The following NOP58 variants were observed in gnomAD, a reference collection of about 807,000 sequenced individuals.
The protein encoded by NOP58 is nucleolar protein 58.
In NOP58, 44 loss-of-function variants were observed where a neutral mutation model predicts 71.2. The ratio of observed to expected loss-of-function variants is 0.62; its 90% CI spans 0.49 to 0.79. The LOEUF (loss-of-function observed/expected upper bound fraction) is 0.79. Among genes scored for constraint, NOP58 ranks in the 30% least tolerant of loss-of-function variants. The pLI is 0.00. For missense variants in NOP58, 538 were observed against 620.2 expected (o/e 0.87, Z 1.41); for synonymous variants, 228 against 200.3 (o/e 1.14, Z -1.17).
At chr2:202,293,300 A>G (rs1244556979) in intron 9 of NOP58, among the ~76,000 whole-genome samples, 2 of 152,296 alleles carry the variant, frequency 1.3e-5, no homozygotes, top group Middle Eastern at 3.4e-3. Context: ...ATCACTGTAG[A>G]GGATTTGTGC....
At chr2:202,286,706 G>C (rs574634538) in intron 5 of NOP58, among the ~76,000 whole-genome samples, 1 of 152,248 alleles carries the variant, frequency 6.6e-6, no homozygotes, top group South Asian at 2.1e-4. Flanking sequence ...GGGTAAATCT[G>C]CATTGTGTAT....
intron 2 of NOP58, chr2:202,275,638 T>G (rs1224414487): frequency 6.5e-6 from 1 of 153,876 alleles, no homozygotes; most frequent in African/African-American, 2.4e-5. Flanking sequence ...TCATGGAAGA[T>G]TCATTCTTAG....
chr2:202,284,704 T>C, intron 5 of NOP58: 1 of 458,828 alleles, frequency 2.2e-6, no homozygotes, highest in Non-Finnish European at 3.8e-6. Flanking sequence ...CTCTATTGTC[T>C]GGATTCTTAA....
At chr2:202,279,526 G>A (rs1574379701) in intron 3 of NOP58, among the ~76,000 whole-genome samples, 2 of 152,152 alleles carry the variant, frequency 1.3e-5, no homozygotes, top group South Asian at 2.1e-4. Flanking sequence ...GGCTGGGTGC[G>A]GTGGCTCATG....
intron 4 of NOP58, among the ~76,000 whole-genome samples, chr2:202,283,664 C>T (rs1323444596): frequency 6.6e-6 from 1 of 150,966 alleles, no homozygotes; most frequent in Non-Finnish European, 1.5e-5. Context: ...TGGTCTCGAT[C>T]TATTGACCTT....
Position 202,282,458 on chromosome 2 carries a change from G to A in NOP58, c.283G>A (p.Gly95Arg), listed in dbSNP as rs775386759. Residue 95 changes from glycine to arginine, a missense_variant, in exon 4 of 15, where the codon GGA (glycine) becomes AGA (arginine). Physicochemically the swap from Gly to Arg is moderately radical, Grantham distance 125 (BLOSUM62 -2). Coordinates refer to ENST00000264279, the MANE Select transcript of NOP58 (RefSeq NM_015934.5). The stretch of plus-strand genomic sequence containing the variant: ...GCTGGCAGTAGCTGATGCTAAACTA[G>A]GAGGGGTCATAAAGGTAAAGTCACG... The part of the protein sequence containing the change: ...EPLAVADAKL[G>R]GVIKEKLNLS... 3.1e-6 allele frequency: 5 copies of A among 1,609,600 alleles called. No homozygotes were observed. The highest frequency in any genetic ancestry group is 4.2e-6 in the Non-Finnish European group (5 of 1,179,088).
At chr2:202,277,910 C>G (rs747982063) in intron 2 of NOP58, 40 bp from the exon 3 acceptor site, 1 of 1,059,210 alleles carries the variant, frequency 9.4e-7, no homozygotes, top group Admixed American at 2.1e-5. Context: ...CAACGCACTG[C>G]CCCCAATAAC....
chr2:202,279,345 A>G (rs1559261526), intron 3 of NOP58, among the ~76,000 whole-genome samples: 2 of 152,184 alleles, frequency 1.3e-5, no homozygotes, highest in Non-Finnish European at 2.9e-5. Flanking sequence ...TTGAGCACAT[A>G]CTGATTGTCA....
intron 9 of NOP58, 92 bp downstream of exon 9, chr2:202,292,995 A>C: frequency 2.9e-6 from 4 of 1,366,618 alleles, no homozygotes; most frequent in Non-Finnish European, 4.2e-6. Context: ...GCTGTTAAAG[A>C]AATTTTAGCT....
chr2:202,286,181 CAAAAAAAA>C (rs1008544993), intron 5 of NOP58, among the ~76,000 whole-genome samples: 3 of 45,622 alleles, frequency 6.6e-5, no homozygotes, highest in African/African-American at 2.4e-4. Context: ...GACTCCATCT[CAAAAAAAA>C]AAAAAAAAAA....
chr2:202,300,926 A>G (rs748674886), intron 13 of NOP58, among the ~76,000 whole-genome samples: 32 of 152,242 alleles, frequency 2.1e-4, no homozygotes, highest in Non-Finnish European at 4.0e-4. Flanking sequence ...AGAGTAAAGC[A>G]TTAACACAAT....
intron 9 of NOP58, 138 bp downstream of exon 9, chr2:202,293,041 T>C (rs1384667238): frequency 2.2e-6 from 2 of 893,524 alleles, no homozygotes; most frequent in Admixed American, 3.4e-5. Context: ...GGGAGATCAC[T>C]AAGGGCCAAG....
intron 1 of NOP58, among the ~76,000 whole-genome samples, chr2:202,273,982 G>T (rs1372786604): frequency 5.3e-5 from 8 of 150,560 alleles, no homozygotes; most frequent in African/African-American, 2.0e-4. Context: ...ATTCCTAAAA[G>T]TATGCATGAA....
intron 3 of NOP58, among the ~76,000 whole-genome samples, chr2:202,280,191 T>G (rs1439947662): frequency 6.6e-6 from 1 of 152,196 alleles, no homozygotes; most frequent in East Asian, 1.9e-4. Flanking sequence ...GTGTACATTT[T>G]AAACCTCATA....
At position 202,275,192 on chromosome 2, in the gene NOP58, A is replaced by C; in HGVS notation, c.122+3A>C. ...ACTCCAGAGAAAGCAAACAAAATGTAAGTACTCTTGAAATCAATAATTTAG... is the reference window on the plus strand; with the variant it reads ...ACTCCAGAGAAAGCAAACAAAATGTCAGTACTCTTGAAATCAATAATTTAG... On this transcript the variant is annotated splice_donor_region_variant and intron_variant, in intron 2 of 14. Transcript: ENST00000264279. 6.7e-7 allele frequency: 1 copy of C among 1,481,536 alleles called. No individual in the cohort carries two copies. Among genetic ancestry groups the C allele is most frequent in the Non-Finnish European group, 9.3e-7 (1 of 1,072,458 alleles). The allele number at this position is 1,481,536 out of a possible 1,614,324, so 91.8% of individuals were successfully genotyped here.
At chr2:202,291,420 C>T in intron 8 of NOP58, 150 bp downstream of exon 8, 1 of 514,060 alleles carries the variant, frequency 1.9e-6, no homozygotes. Context: ...CTGATGCCAT[C>T]ATGATTTGTA....
chr2:202,268,737 G>T (rs1057507105), intron 1 of NOP58, among the ~76,000 whole-genome samples: 3 of 150,078 alleles, frequency 2.0e-5, no homozygotes, highest in African/African-American at 7.3e-5. Context: ...TCAGCCTCCC[G>T]AGTAGCTGGG....
chr2:202,292,364 A>G (rs575216959), intron 8 of NOP58, among the ~76,000 whole-genome samples: 1 of 152,138 alleles, frequency 6.6e-6, no homozygotes, highest in South Asian at 2.1e-4. Flanking sequence ...GTTTACATAC[A>G]TTATATAACG....
chr2:202,287,822 A>C (rs1195303953), intron 6 of NOP58, 98 bp downstream of exon 6: 2 of 990,382 alleles, frequency 2.0e-6, no homozygotes, highest in African/African-American at 3.2e-5. Flanking sequence ...GTTGAGAAAG[A>C]GAAAGGAGGC....
Sources: gnomAD v4.1 joint callset for allele counts (sites outside exome capture counted in the v4.1 genomes callset) on GRCh38, gnomAD v4.1.1 for gene constraint, MANE v1.5 for transcripts, NCBI Gene and HGNC (gene_info 2026-07-23, HGNC 2026-07-21) for gene names.